GRM3: variants seen among roughly 807,000 people sequenced by gnomAD.
GRM3 encodes glutamate metabotropic receptor 3, also known as metabotropic glutamate receptor 3.
Under a neutral mutation model 70.5 loss-of-function variants are expected in GRM3, and 26 were observed. The ratio of observed to expected loss-of-function variants is 0.37; its 90% CI spans 0.27 to 0.51. GRM3 has a LOEUF of 0.51. Ranked by LOEUF, GRM3 falls within the 20% of genes least tolerant of loss-of-function variation. The probability of loss-of-function intolerance (pLI) is 0.93; values close to 1 mark genes in which losing one functional copy is unlikely to be tolerated. For missense variants in GRM3, 859 were observed against 1,123.8 expected (o/e 0.76, Z 3.37); for synonymous variants, 443 against 434.9 (o/e 1.02, Z -0.23).
At chr7:86,800,950 T>A (rs908344368) in intron 3 of GRM3, among the ~76,000 whole-genome samples, 4 of 152,198 alleles carry the variant, frequency 2.6e-5, no homozygotes, top group Non-Finnish European at 4.4e-5. Context: ...CAGTCTAAGT[T>A]ATTTAAGTTA....
chr7:86,679,600 G>A (rs886231508), intron 1 of GRM3, among the ~76,000 whole-genome samples: 10 of 151,964 alleles, frequency 6.6e-5, no homozygotes, highest in Non-Finnish European at 1.5e-4. Context: ...TCTTTATTAT[G>A]TACATCAGAC....
At chr7:86,743,812 A>G (rs1446652457) in intron 1 of GRM3, among the ~76,000 whole-genome samples, 5 of 152,118 alleles carry the variant, frequency 3.3e-5, no homozygotes, top group African/African-American at 7.2e-5. Flanking sequence ...CTCCAAATCT[A>G]TCATGTATAC....
At chr7:86,699,813 G>A (rs1176779151) in intron 1 of GRM3, among the ~76,000 whole-genome samples, 2 of 151,958 alleles carry the variant, frequency 1.3e-5, no homozygotes, top group East Asian at 3.9e-4. Flanking sequence ...AGGAGAACTA[G>A]CTTTTCCCAG....
intron 1 of GRM3, among the ~76,000 whole-genome samples, chr7:86,650,517 C>T (rs1421815698): frequency 6.6e-6 from 1 of 152,064 alleles, no homozygotes; most frequent in African/African-American, 2.4e-5. Context: ...GATCTTTCTC[C>T]ACTCCAGACA....
At chr7:86,729,345 G>A (rs1387440978) in intron 1 of GRM3, among the ~76,000 whole-genome samples, 1 of 152,192 alleles carries the variant, frequency 6.6e-6, no homozygotes, top group Non-Finnish European at 1.5e-5. Context: ...AACATTCTTA[G>A]AATAGTGTCT....
intron 1 of GRM3, among the ~76,000 whole-genome samples, chr7:86,687,129 G>A (rs1794586446): frequency 1.3e-5 from 2 of 151,934 alleles, no homozygotes; most frequent in Middle Eastern, 3.4e-3. Flanking sequence ...GAAAAGCTCT[G>A]ATATACATGT....
At position 86,648,675 on chromosome 7, in the gene GRM3, C is replaced by T. The variant is rs369281218; in HGVS notation, c.-141+3803C>T. On this transcript the variant is annotated intron_variant, in intron 1 of 5. Coordinates refer to ENST00000361669, the MANE Select transcript of GRM3 (RefSeq NM_000840.3). ...GCATATATCAATGTGGAATGTATTT[C>T]GATATATATGGAGGTACCATATGTG... 6.8e-4 allele frequency among the ~76,000 whole-genome samples: 103 copies of T among 151,412 alleles called. 2 individuals are homozygous for T. Among genetic ancestry groups the T allele is most frequent in the African/African-American group, 2.2e-3 (91 of 41,210 alleles).
At chr7:86,723,926 T>C (rs1795532847) in intron 1 of GRM3, among the ~76,000 whole-genome samples, 1 of 152,142 alleles carries the variant, frequency 6.6e-6, no homozygotes, top group African/African-American at 2.4e-5. Flanking sequence ...TAGTAACGAA[T>C]GCATTTCAAA....
At chr7:86,822,130 A>AT (rs994862212) in intron 3 of GRM3, among the ~76,000 whole-genome samples, 5 of 151,118 alleles carry the variant, frequency 3.3e-5, no homozygotes, top group Non-Finnish European at 5.9e-5. Context: ...AATGACATCT[A>AT]TTTTTTTTTC....
intron 1 of GRM3, among the ~76,000 whole-genome samples, chr7:86,649,403 GTACTT>G: frequency 6.6e-6 from 1 of 152,096 alleles, no homozygotes; most frequent in East Asian, 1.9e-4. Flanking sequence ...ATTGTACACT[GTACTT>G]TAAGGAGAGA....
At chr7:86,779,569 C>T (rs367908088) in intron 2 of GRM3, among the ~76,000 whole-genome samples, 5 of 152,170 alleles carry the variant, frequency 3.3e-5, no homozygotes, top group African/African-American at 7.2e-5. Flanking sequence ...CAGAGATTAA[C>T]GAGAGTTCTC....
At chr7:86,742,802 A>G (rs1584207787) in intron 1 of GRM3, among the ~76,000 whole-genome samples, 1 of 152,326 alleles carries the variant, frequency 6.6e-6, no homozygotes, top group South Asian at 2.1e-4. Context: ...ACAGGCCTAC[A>G]GCACTGAGCT....
chr7:86,662,693 C>A (rs1793923685), intron 1 of GRM3, among the ~76,000 whole-genome samples: 1 of 151,818 alleles, frequency 6.6e-6, no homozygotes, highest in Middle Eastern at 3.2e-3. Flanking sequence ...TGTAATATAT[C>A]TCCTTAATAC....
chr7:86,793,058 GA>G (rs1219463734), intron 3 of GRM3, among the ~76,000 whole-genome samples: 4 of 128,536 alleles, frequency 3.1e-5, no homozygotes, highest in Non-Finnish European at 6.3e-5. Context: ...TGAAGAGACA[GA>G]CTACTGGGAT....
At chr7:86,663,686 C>G (rs1360054982) in intron 1 of GRM3, among the ~76,000 whole-genome samples, 1 of 151,816 alleles carries the variant, frequency 6.6e-6, no homozygotes, top group African/African-American at 2.4e-5. Flanking sequence ...TTAGATACAT[C>G]GTTAAGAAGT....
chr7:86,741,679 T>C (rs572817108), intron 1 of GRM3, among the ~76,000 whole-genome samples: 27 of 152,270 alleles, frequency 1.8e-4, no homozygotes, highest in African/African-American at 6.3e-4. Flanking sequence ...CCAAAATTCT[T>C]GGACACCACC....
intron 1 of GRM3, among the ~76,000 whole-genome samples, chr7:86,762,158 C>A (rs763586824): frequency 6.6e-6 from 1 of 151,892 alleles, no homozygotes; most frequent in Non-Finnish European, 1.5e-5. Flanking sequence ...GGGAATTGCA[C>A]GTAAAGATCA....
chr7:86,687,108 T>C (rs2116003660), intron 1 of GRM3, among the ~76,000 whole-genome samples: 1 of 152,034 alleles, frequency 6.6e-6, no homozygotes, highest in East Asian at 1.9e-4. Flanking sequence ...CAGGGAAATA[T>C]AGGATTCCAT....
rs142943125 is a variant in GRM3 at position 86,707,186 on chromosome 7, C to T, written c.-140-57820C>T. ...CCCTGATAACATTTTTTCCTATAGTCCTCCCCTCTCTATGACTGGTACACT... is the reference window on the plus strand; with the variant it reads ...CCCTGATAACATTTTTTCCTATAGTTCTCCCCTCTCTATGACTGGTACACT... On this transcript the variant is annotated intron_variant, in intron 1 of 5. Transcript: ENST00000361669. Among the ~76,000 whole-genome samples the T allele has an allele frequency of 1.4e-3, 213 of 152,154 alleles. 1 individual carries two copies. Among genetic ancestry groups the T allele is most frequent in the Admixed American group, 0.013 (194 of 15,256 alleles).
Sources: allele counts gnomAD v4.1 joint callset (sites outside exome capture counted in the v4.1 genomes callset), GRCh38; gene constraint gnomAD v4.1.1; transcripts MANE v1.5; gene names NCBI Gene and HGNC (gene_info 2026-07-23, HGNC 2026-07-21).